The following DPP10 variants were observed in gnomAD, a reference collection of about 807,000 sequenced individuals.
The protein encoded by DPP10 is inactive dipeptidyl peptidase 10.
Under a neutral mutation model 120.9 loss-of-function variants are expected in DPP10, and 33 were observed. That is an observed-to-expected ratio of 0.27 (90% CI 0.21 to 0.37). DPP10 has a LOEUF of 0.37. Ranked by LOEUF, DPP10 falls within the 10% of genes least tolerant of loss-of-function variation. The probability of loss-of-function intolerance (pLI) is 1.00; values close to 1 mark genes in which losing one functional copy is unlikely to be tolerated. For synonymous variants in DPP10, 337 were observed against 326.1 expected, an observed-to-expected ratio of 1.03 and a Z score of -0.36; for missense variants, 816 against 942.8, an observed-to-expected ratio of 0.87 and a Z score of 1.76.
Position 115,840,964 on chromosome 2 carries a change from G to A in DPP10, c.2256+141G>A, listed in dbSNP as rs1468288021. The A allele has an allele frequency of 7.9e-6, 5 of 629,764 alleles. No individual in the cohort carries two copies. In the African/African-American group the frequency reaches 9.5e-5, roughly 12 times the overall value. The allele number at this position is 629,764 out of a possible 1,614,324, so 39.0% of individuals were successfully genotyped here. On this transcript the variant is annotated intron_variant, in intron 25 of 25. Transcript: ENST00000410059. The stretch of plus-strand genomic sequence containing the variant: ...TTAGTTACCAAAGATTGTGTTCTCT[G>A]TTCCTGATTACACCGAGAATGTGGA...
intron 1 of DPP10, among the ~76,000 whole-genome samples, chr2:114,888,405 T>C (rs1284955279): frequency 6.6e-6 from 1 of 152,124 alleles, no homozygotes; most frequent in Non-Finnish European, 1.5e-5. Context: ...AATAGTGATA[T>C]TGACACAAAA....
At chr2:114,929,731 A>G (rs2104489982) in intron 1 of DPP10, among the ~76,000 whole-genome samples, 1 of 152,306 alleles carries the variant, frequency 6.6e-6, no homozygotes, top group South Asian at 2.1e-4. Flanking sequence ...CAGGGTCCTG[A>G]GGCGACATAC....
At chr2:114,477,391 C>A (rs1680504137) in intron 1 of DPP10, among the ~76,000 whole-genome samples, 1 of 151,904 alleles carries the variant, frequency 6.6e-6, no homozygotes, top group Non-Finnish European at 1.5e-5. Flanking sequence ...TTATGAAATA[C>A]TACATATATA....
intron 5 of DPP10, among the ~76,000 whole-genome samples, chr2:115,626,676 G>A (rs1248812144): frequency 1.3e-5 from 2 of 152,164 alleles, no homozygotes; most frequent in South Asian, 2.1e-4. Context: ...GAATGGGTAT[G>A]TGTGGAAGAA....
rs199549794 is a variant in DPP10 at position 115,315,294 on chromosome 2, CAT to C, written c.175+5943_175+5944del. Reference sequence around the variant, plus strand: ...ACACACATACACACACACACACACACATACATCTATATGTAAAACTCATTTCC... The same window carrying C: ...ACACACATACACACACACACACACACACATCTATATGTAAAACTCATTTCC... On this transcript the variant is annotated intron_variant, in intron 2 of 25. Coordinates refer to ENST00000410059, the MANE Select transcript of DPP10 (RefSeq NM_020868.6). Among the ~76,000 whole-genome samples the C allele has an allele frequency of 1.5e-3, 223 of 151,846 alleles. 3 individuals are homozygous for C. In the East Asian group the frequency reaches 0.026, roughly 17 times the overall value.
intron 1 of DPP10, among the ~76,000 whole-genome samples, chr2:114,610,516 CTCT>C (rs1455529076): frequency 3.9e-5 from 6 of 152,060 alleles, no homozygotes; most frequent in Non-Finnish European, 8.8e-5. Flanking sequence ...GACAGTCCTG[CTCT>C]TCTTTGTACA....
chr2:115,375,230 A>G (rs999043417), intron 3 of DPP10, among the ~76,000 whole-genome samples: 2 of 152,194 alleles, frequency 1.3e-5, no homozygotes, highest in Non-Finnish European at 2.9e-5. Flanking sequence ...TGCTGCTTAG[A>G]AGTTTCTTCC....
intron 1 of DPP10, chr2:115,064,575 A>G: frequency 8.9e-7 from 1 of 1,128,586 alleles, no homozygotes; most frequent in African/African-American, 1.6e-5. Flanking sequence ...CCCTACACAC[A>G]CATATTTCGG....
At chr2:115,296,016 A>G (rs2060869907) in intron 1 of DPP10, among the ~76,000 whole-genome samples, 1 of 152,092 alleles carries the variant, frequency 6.6e-6, no homozygotes, top group Non-Finnish European at 1.5e-5. Context: ...GTTTGTTTCT[A>G]TTTCAGTATT....
intron 1 of DPP10, among the ~76,000 whole-genome samples, chr2:115,169,960 A>G (rs1387974476): frequency 6.6e-6 from 1 of 152,168 alleles, no homozygotes; most frequent in Non-Finnish European, 1.5e-5. Flanking sequence ...TTCTTATTCC[A>G]TCTGAGAAAG....
At chr2:114,512,809 ATGT>A (rs1178834567) in intron 1 of DPP10, among the ~76,000 whole-genome samples, 1 of 152,214 alleles carries the variant, frequency 6.6e-6, no homozygotes. Context: ...GCCTGTGTAG[ATGT>A]TGTCCTCATC....
At chr2:115,492,223 C>A (rs570712458) in intron 3 of DPP10, among the ~76,000 whole-genome samples, 1 of 152,066 alleles carries the variant, frequency 6.6e-6, no homozygotes, top group Non-Finnish European at 1.5e-5. Flanking sequence ...ACCAAAAATT[C>A]CACCAAAATA....
intron 3 of DPP10, among the ~76,000 whole-genome samples, chr2:115,374,334 C>G (rs150721702): frequency 6.6e-6 from 1 of 152,296 alleles, no homozygotes; most frequent in Non-Finnish European, 1.5e-5. Flanking sequence ...GTCTCACATC[C>G]AGGCCACACT....
intron 5 of DPP10, among the ~76,000 whole-genome samples, chr2:115,653,344 A>G (rs1416555990): frequency 6.6e-6 from 1 of 152,010 alleles, no homozygotes; most frequent in Admixed American, 6.6e-5. Context: ...ATGACTGCAC[A>G]GAAGAAATAT....
intron 5 of DPP10, among the ~76,000 whole-genome samples, chr2:115,641,861 G>A (rs2086810867): frequency 6.6e-6 from 1 of 152,114 alleles, no homozygotes; most frequent in African/African-American, 2.4e-5. Context: ...ATACGATAGT[G>A]TTACCAAGTA....
intron 1 of DPP10, among the ~76,000 whole-genome samples, chr2:114,542,976 G>A (rs1490095936): frequency 6.6e-6 from 1 of 151,994 alleles, no homozygotes; most frequent in Non-Finnish European, 1.5e-5. Flanking sequence ...ATAAGCCCTG[G>A]GTTTGCTCAA....
At chr2:114,688,066 G>A (rs140391353) in intron 1 of DPP10, among the ~76,000 whole-genome samples, 122 of 152,044 alleles carry the variant, frequency 8.0e-4, no homozygotes, top group African/African-American at 2.9e-3. Flanking sequence ...CTATGTGTGA[G>A]TCATGCTACA....
intron 1 of DPP10, among the ~76,000 whole-genome samples, chr2:115,006,017 T>A (rs1424066810): frequency 6.7e-6 from 1 of 149,888 alleles, no homozygotes; most frequent in Non-Finnish European, 1.5e-5. Flanking sequence ...ACAGTGGATC[T>A]CTTGGCAGAA....
intron 1 of DPP10, among the ~76,000 whole-genome samples, chr2:114,889,415 A>T (rs948026388): frequency 7.3e-5 from 11 of 151,682 alleles, no homozygotes; most frequent in African/African-American, 2.7e-4. Flanking sequence ...TTTATACATT[A>T]TATATGTATA....
Sources: gnomAD v4.1 joint callset for allele counts (sites outside exome capture counted in the v4.1 genomes callset) on GRCh38, gnomAD v4.1.1 for gene constraint, MANE v1.5 for transcripts, NCBI Gene and HGNC (gene_info 2026-07-23, HGNC 2026-07-21) for gene names.